Variants in SHE observed in about 807,000 individuals in gnomAD.
The protein encoded by SHE is Src homology 2 domain containing E.
SHE carries 11 observed loss-of-function variants against 49.8 expected under a neutral mutation model. The observed-to-expected ratio is 0.22, with a 90% confidence interval of 0.14 to 0.37. The LOEUF is 0.37. Among genes scored for constraint, SHE ranks in the 10% least tolerant of loss-of-function variants. SHE has a pLI of 1.00. For missense variants in SHE, 624 were observed against 655.5 expected (o/e 0.95, Z 0.52); for synonymous variants, 310 against 278.1 (o/e 1.11, Z -1.14).
rs557168071 is a variant in SHE, at chr1:154,470,373, T to C, written c.103-11A>G. 13 of 1,289,188 alleles carry C rather than the reference T, an allele frequency of 1.0e-5. No individual in the cohort carries two copies. The East Asian group carries it at 1.7e-4, about 17-fold the overall frequency. The allele number at this position is 1,289,188 out of a possible 1,614,324, so 79.9% of individuals were successfully genotyped here. ...AGCAGATGGTGATTTCTGTAGAGGA[T>C]GGCAAGGAATATGCAGTTACTGGAG... is the stretch of plus-strand genomic sequence containing the variant. On this transcript the variant is annotated splice_polypyrimidine_tract_variant and intron_variant, in intron 1 of 1. Coordinates refer to the SHE transcript ENST00000486773.
intron 1 of SHE, 134 bp downstream of exon 1, chr1:154,501,302 C>A: frequency 1.2e-6 from 1 of 803,898 alleles, no homozygotes; most frequent in East Asian, 2.5e-5. Context: ...CAGGAATTCC[C>A]AAATGGTGGA....
chr1:154,486,725 G>A, intron 3 of SHE, 42 bp from the exon 4 acceptor site: 1 of 1,604,094 alleles, frequency 6.2e-7, no homozygotes, highest in Non-Finnish European at 8.5e-7. Context: ...CCACTGCGGT[G>A]ACCCATGTAA....
Position 154,501,784 on chromosome 1 carries a change from G to C in SHE, c.243C>G (p.Gly81=). Residue 81 remains glycine (G), a synonymous_variant, in exon 1 of 6, where the codon GGC becomes GGG. Transcript: ENST00000304760. ...CCAGCTCGGCCGCCGAGTTCTTGCGGCCCTTGCCAGGACCCGGCCCAGCGC... is the reference window on the plus strand; with the variant it reads ...CCAGCTCGGCCGCCGAGTTCTTGCGCCCCTTGCCAGGACCCGGCCCAGCGC... ...AGGAGPGPGK[G]RKNSAAELGS... The C allele has an allele frequency of 6.4e-7, 1 of 1,561,600 alleles. No individual in the cohort carries two copies.
At chr1:154,474,677 G>T (rs998769509), downstream of SHE, among the ~76,000 whole-genome samples, 3 of 151,986 alleles carry the variant, frequency 2.0e-5, no homozygotes, top group Non-Finnish European at 4.4e-5. Flanking sequence ...GATAATTTTT[G>T]TATTTTTAGT....
Position 154,502,131 on chromosome 1 carries a change from G to A in SHE, c.-105C>T. The stretch of plus-strand genomic sequence containing the variant: ...CGCCCGGCAGGGTGGGGTTCTCACG[G>A]CTCGGGGCGCCGAGCGGGCGGGCGC... On this transcript the variant is annotated 5_prime_UTR_variant, in exon 1 of 6. Coordinates refer to ENST00000304760, the MANE Select transcript of SHE (RefSeq NM_001010846.3). 2 of 947,982 alleles carry A rather than the reference G, an allele frequency of 2.1e-6. No homozygotes were observed. Among genetic ancestry groups the A allele is most frequent in the East Asian group, 3.9e-5 (1 of 25,762 alleles). 58.7% of individuals were successfully genotyped at this position (947,982 alleles called of 1,614,324 possible). A position where few individuals can be genotyped will look rare whatever the true frequency, so the allele number is the denominator to read the frequency against.
chr1:154,484,296 G>T lies in SHE; in HGVS notation c.1341C>A (p.Thr447=), dbSNP rs61812630. 5,624 of 1,614,114 alleles carry T rather than the reference G, an allele frequency of 3.5e-3. 13 individuals carry two copies. Among genetic ancestry groups the T allele is most frequent in the Non-Finnish European group, 4.3e-3 (5,127 of 1,179,982 alleles). The change falls in exon 6 of 6, where the codon ACC becomes ACA. Residue 447 remains threonine (T), a synonymous_variant. Transcript: ENST00000304760. ...GATTCAGTGTGTATTTGTTGTCTTT[G>T]GTCTGAGCCACTATGATGTGGACAC... The part of the protein sequence containing the change: ...QGCVHIIVAQ[T]KDNKYTLNQT...
At chr1:154,487,023 C>T (rs1692200187) in intron 3 of SHE, among the ~76,000 whole-genome samples, 1 of 152,104 alleles carries the variant, frequency 6.6e-6, no homozygotes, top group Admixed American at 6.6e-5. Context: ...CCTGTAATCC[C>T]ACCACTTTGG....
intron 2 of SHE, among the ~76,000 whole-genome samples, chr1:154,490,949 AC>A (rs763212383): frequency 1.3e-5 from 2 of 152,206 alleles, no homozygotes; most frequent in African/African-American, 2.4e-5. Context: ...CCAACCAACC[AC>A]TAGCTATCTA....
Position 154,501,584 on chromosome 1 carries a change from A to T in SHE, c.443T>A (p.Ile148Asn). 6.2e-7 allele frequency: 1 copy of T among 1,614,132 alleles called. No homozygotes were observed. Among genetic ancestry groups the T allele is most frequent in the Non-Finnish European group, 8.5e-7 (1 of 1,179,992 alleles). Residue 148 changes from isoleucine to asparagine, a missense_variant, in exon 1 of 6, where the codon ATC becomes AAC. Physicochemically the swap from Ile to Asn is moderately radical, Grantham distance 149. Coordinates refer to ENST00000304760, the MANE Select transcript of SHE (RefSeq NM_001010846.3). ...SGCSTYINRL[I>N]KVDTQEKNGK... ...GTTCTTCTCCTGAGTGTCCACCTTG[A>T]TGAGCCTGTTGATGTAGGTGCTGCA...
chr1:154,482,010 CTTTT>C lies in SHE; in HGVS notation c.*2135_*2138del, dbSNP rs60307202. On this transcript the variant is annotated 3_prime_UTR_variant, in exon 6 of 6. Coordinates refer to ENST00000304760, the MANE Select transcript of SHE (RefSeq NM_001010846.3). ...CACAGGCATCCACCACCAGGCCAGGCTTTTTTTTTTTTTTTTTTTTGAGATGGAG... is the reference window on the plus strand; with the variant it reads ...CACAGGCATCCACCACCAGGCCAGGCTTTTTTTTTTTTTTTTGAGATGGAG... 13 of 113,462 alleles carry C rather than the reference CTTTT, an allele frequency of 1.1e-4. No homozygotes were observed. The Middle Eastern group carries it at 0.013, about 111-fold the overall frequency. 7.0% of individuals were successfully genotyped at this position (113,462 alleles called of 1,614,324 possible). A position where few individuals can be genotyped will look rare whatever the true frequency, so the allele number is the denominator to read the frequency against.
intron 4 of SHE, among the ~76,000 whole-genome samples, 184 bp from the exon 5 acceptor site, chr1:154,486,246 G>A (rs1048956375): frequency 4.6e-5 from 7 of 152,174 alleles, no homozygotes; most frequent in African/African-American, 1.7e-4. Flanking sequence ...AGATCACAAA[G>A]CCTATCAATC....
chr1:154,493,049 A>T (rs1571057464), intron 2 of SHE, among the ~76,000 whole-genome samples: 1 of 152,184 alleles, frequency 6.6e-6, no homozygotes, highest in East Asian at 1.9e-4. Flanking sequence ...TTGAGTTCTT[A>T]TTACACACGC....
rs780711580 is a variant in SHE at position 154,486,538 on chromosome 1, C to T, written c.1170G>A (p.Leu390=). The T allele has an allele frequency of 1.5e-5, 25 of 1,613,990 alleles. No homozygotes were observed. The highest frequency in any genetic ancestry group is 1.6e-5 in the Non-Finnish European group (19 of 1,180,022). The part of the protein sequence containing the change: ...EGEKVDPGLP[L]EKQPWYHGAI... ...AGGAGGAGACTCACGGCTGCTTCTCCAGGGGCAGGCCCGGGTCCACTTTCT... is the reference window on the plus strand; with the variant it reads ...AGGAGGAGACTCACGGCTGCTTCTCTAGGGGCAGGCCCGGGTCCACTTTCT... The change falls in exon 4 of 6, where the codon CTG becomes CTA. Residue 390 remains leucine, a synonymous_variant. Coordinates refer to ENST00000304760, the MANE Select transcript of SHE (RefSeq NM_001010846.3).
At position 154,480,942 on chromosome 1, in the gene SHE, G is replaced by C. The variant is rs1692002873; in HGVS notation, c.*3207C>G. On this transcript the variant is annotated 3_prime_UTR_variant, in exon 6 of 6. Transcript: ENST00000304760. ...TTTTTAAAGAAGGTGTGATCAAGAA[G>C]AACACTGACACAGCTCTATGGATGC... The C allele has an allele frequency of 1.0e-6, 1 of 985,196 alleles. No homozygotes were observed. The highest frequency in any genetic ancestry group is 4.7e-5 in the South Asian group (1 of 21,288). The allele number at this position is 985,196 out of a possible 1,614,324, so 61.0% of individuals were successfully genotyped here.
chr1:154,479,487 T>C lies in SHE; in HGVS notation c.*4662A>G. The stretch of plus-strand genomic sequence containing the variant: ...TTAAGCAAAACCACTGTAGTTTTCT[T>C]GGAATAATGTTTATTTAAAGTTACA... On this transcript the variant is annotated 3_prime_UTR_variant, in exon 6 of 6. Transcript: ENST00000304760. The C allele has an allele frequency of 1.0e-6, 1 of 985,156 alleles. No homozygotes were observed. The highest frequency in any genetic ancestry group is 4.7e-5 in the South Asian group (1 of 21,282). The allele number at this position is 985,156 out of a possible 1,614,324, so 61.0% of individuals were successfully genotyped here.
At chr1:154,501,306 T>A in intron 1 of SHE, 130 bp downstream of exon 1, 1 of 806,372 alleles carries the variant, frequency 1.2e-6, no homozygotes, top group Non-Finnish European at 2.0e-6. Context: ...AATTCCCAAA[T>A]GGTGGAGGGA....
At chr1:154,471,574 AAAAG>A (rs1240887031) in intron 1 of SHE, among the ~76,000 whole-genome samples, 9 of 152,124 alleles carry the variant, frequency 5.9e-5, no homozygotes, top group Admixed American at 3.9e-4. Context: ...CTTGTCTCAA[AAAAG>A]AAAGAAACAA....
chr1:154,479,920 CT>C lies in SHE; in HGVS notation c.*4228del, dbSNP rs1691974337. The C allele has an allele frequency of 2.0e-6, 2 of 985,414 alleles. No homozygotes were observed. Among genetic ancestry groups the C allele is most frequent in the Admixed American group, 1.2e-4 (2 of 16,278 alleles). The allele number at this position is 985,414 out of a possible 1,614,324, so 61.0% of individuals were successfully genotyped here. A position where few individuals can be genotyped will look rare whatever the true frequency, so the allele number is the denominator to read the frequency against. Reference sequence around the variant, plus strand: ...GGCAACTGCTGTGTCATCATTTTCCCTTTTCTGGACTGTATCAGAAATCCTT... The same window carrying C: ...GGCAACTGCTGTGTCATCATTTTCCCTTTCTGGACTGTATCAGAAATCCTT... On this transcript the variant is annotated 3_prime_UTR_variant, in exon 6 of 6. Transcript: ENST00000304760.
downstream of SHE, among the ~76,000 whole-genome samples, chr1:154,477,342 T>C (rs1691900947): frequency 6.6e-6 from 1 of 152,176 alleles, no homozygotes; most frequent in African/African-American, 2.4e-5. Flanking sequence ...AGAAATGCAT[T>C]AACATAAAAT....
Sources: allele counts gnomAD v4.1 joint callset (sites outside exome capture counted in the v4.1 genomes callset), GRCh38; gene constraint gnomAD v4.1.1; transcripts MANE v1.5; gene names NCBI Gene and HGNC (gene_info 2026-07-23, HGNC 2026-07-21).